Variants in NKAIN3 observed in about 807,000 individuals in gnomAD.
NKAIN3 encodes the protein sodium/potassium transporting ATPase interacting 3.
Under a neutral mutation model 30.2 loss-of-function variants are expected in NKAIN3, and 25 were observed. That is an observed-to-expected ratio of 0.83 (90% CI 0.60 to 1.16). The LOEUF is 1.16. Among genes scored for constraint, NKAIN3 ranks in the 50% most tolerant of loss-of-function variants. NKAIN3 has a pLI of 0.00. For synonymous variants in NKAIN3, 91 were observed against 89.6 expected (o/e 1.02, Z -0.09); for missense variants, 225 against 254.1 (o/e 0.89, Z 0.78).
At chr8:62,278,919 G>A (rs1455637331) in intron 1 of NKAIN3, among the ~76,000 whole-genome samples, 1 of 152,152 alleles carries the variant, frequency 6.6e-6, no homozygotes, top group Non-Finnish European at 1.5e-5. Context: ...GGGTCAAATG[G>A]TATTTCTAGT....
At chr8:62,401,086 A>G (rs908620005) in intron 1 of NKAIN3, among the ~76,000 whole-genome samples, 3 of 147,328 alleles carry the variant, frequency 2.0e-5, no homozygotes, top group Non-Finnish European at 4.5e-5. Flanking sequence ...TTTTGAAGCT[A>G]TCTTCCAGAT....
intron 1 of NKAIN3, among the ~76,000 whole-genome samples, chr8:62,471,471 A>T (rs1176665131): frequency 2.0e-5 from 3 of 152,188 alleles, no homozygotes; most frequent in African/African-American, 7.2e-5. Context: ...AATGTTATTT[A>T]AAAAAAGAAA....
intron 1 of NKAIN3, among the ~76,000 whole-genome samples, chr8:62,316,835 A>C (rs913557933): frequency 6.6e-6 from 1 of 152,070 alleles, no homozygotes; most frequent in African/African-American, 2.4e-5. Flanking sequence ...CTAGTTCTAG[A>C]TCCTGAGGAA....
chr8:62,702,422 C>T (rs796422680), intron 3 of NKAIN3, among the ~76,000 whole-genome samples: 8 of 152,144 alleles, frequency 5.3e-5, no homozygotes, highest in African/African-American at 1.9e-4. Context: ...ATGGAGATTA[C>T]GGACGTTACA....
At chr8:62,356,041 C>A (rs1036677058) in intron 1 of NKAIN3, among the ~76,000 whole-genome samples, 4 of 152,118 alleles carry the variant, frequency 2.6e-5, no homozygotes, top group African/African-American at 7.2e-5. Flanking sequence ...ATAACCCTAG[C>A]GAGTAATCCT....
At chr8:62,289,990 T>G (rs1813531155) in intron 1 of NKAIN3, among the ~76,000 whole-genome samples, 1 of 152,198 alleles carries the variant, frequency 6.6e-6, no homozygotes, top group African/African-American at 2.4e-5. Context: ...AGGTATTTTA[T>G]TCTCTTTGAA....
At chr8:62,710,322 G>A (rs1391278125) in intron 3 of NKAIN3, among the ~76,000 whole-genome samples, 1 of 152,000 alleles carries the variant, frequency 6.6e-6, no homozygotes, top group Non-Finnish European at 1.5e-5. Flanking sequence ...ATGGAGTATG[G>A]GAATCCTCCA....
At chr8:62,310,141 A>T (rs893855088) in intron 1 of NKAIN3, among the ~76,000 whole-genome samples, 5 of 150,548 alleles carry the variant, frequency 3.3e-5, no homozygotes, top group Admixed American at 2.6e-4. Flanking sequence ...ATTGAGTCTT[A>T]TGAAATGCTT....
intron 4 of NKAIN3, among the ~76,000 whole-genome samples, chr8:62,870,256 A>ATAGATATAGATATCTATATC (rs1820572286): frequency 2.2e-5 from 1 of 45,600 alleles, no homozygotes; most frequent in African/African-American, 1.1e-4. Context: ...ATATCTATAT[A>ATAGATATAGATATCTATATC]TATATCTATA....
intron 3 of NKAIN3, among the ~76,000 whole-genome samples, chr8:62,693,031 A>C (rs1563518946): frequency 6.6e-6 from 1 of 152,190 alleles, no homozygotes; most frequent in Non-Finnish European, 1.5e-5. Context: ...AAGTCAGGAA[A>C]CACCTGAACA....
chr8:62,502,137 C>G (rs1807474210), intron 1 of NKAIN3, among the ~76,000 whole-genome samples: 3 of 152,088 alleles, frequency 2.0e-5, no homozygotes, highest in East Asian at 3.9e-4. Context: ...GAAGAAAAGT[C>G]TCTTTCTCAT....
At chr8:62,905,176 G>T (rs1245585921) in intron 4 of NKAIN3, among the ~76,000 whole-genome samples, 1 of 152,166 alleles carries the variant, frequency 6.6e-6, no homozygotes, top group Non-Finnish European at 1.5e-5. Context: ...GAATGAGAGG[G>T]TTTGTGCATG....
chr8:62,402,592 T>A (rs1424400002), intron 1 of NKAIN3, among the ~76,000 whole-genome samples: 1 of 152,188 alleles, frequency 6.6e-6, no homozygotes, highest in Non-Finnish European at 1.5e-5. Context: ...GCTTTTCCCT[T>A]TGAACTTGGA....
At chr8:62,559,030 A>G (rs1180326321) in intron 1 of NKAIN3, among the ~76,000 whole-genome samples, 1 of 152,046 alleles carries the variant, frequency 6.6e-6, no homozygotes, top group African/African-American at 2.4e-5. Context: ...CATTTTGGTC[A>G]AAGAACAAAC....
chr8:62,988,259 C>A (rs1158873746), downstream of NKAIN3, among the ~76,000 whole-genome samples: 1 of 152,194 alleles, frequency 6.6e-6, no homozygotes, highest in Admixed American at 6.5e-5. Context: ...AGTGGGTCTA[C>A]CATTCTGGGG....
chr8:62,989,056 A>G (rs931735201), downstream of NKAIN3, among the ~76,000 whole-genome samples: 3 of 152,200 alleles, frequency 2.0e-5, no homozygotes, highest in African/African-American at 7.2e-5. Context: ...CAAGTTCCTT[A>G]TCTCCATCTG....
At chr8:62,530,872 C>T (rs1235711818) in intron 1 of NKAIN3, among the ~76,000 whole-genome samples, 4 of 152,002 alleles carry the variant, frequency 2.6e-5, no homozygotes, top group Admixed American at 6.6e-5. Context: ...CTTGAACTCC[C>T]GACCTCAGGT....
At chr8:62,662,730 G>T (rs1812983758) in intron 3 of NKAIN3, among the ~76,000 whole-genome samples, 1 of 152,080 alleles carries the variant, frequency 6.6e-6, no homozygotes, top group Non-Finnish European at 1.5e-5. Flanking sequence ...AGATTAGTTG[G>T]TTGATGTATT....
intron 1 of NKAIN3, among the ~76,000 whole-genome samples, chr8:62,377,805 C>T (rs1358368132): frequency 6.6e-6 from 1 of 152,176 alleles, no homozygotes; most frequent in Non-Finnish European, 1.5e-5. Flanking sequence ...TTTCTTGAGA[C>T]CTTCCCAGCT....
Sources: gnomAD v4.1 joint callset for allele counts (sites outside exome capture counted in the v4.1 genomes callset) on GRCh38, gnomAD v4.1.1 for gene constraint, MANE v1.5 for transcripts, NCBI Gene and HGNC (gene_info 2026-07-23, HGNC 2026-07-21) for gene names.